The following CACNA1D variants were observed in gnomAD, a reference collection of about 807,000 sequenced individuals.
The protein encoded by CACNA1D is calcium voltage-gated channel subunit alpha1 D, also known as voltage-dependent L-type calcium channel subunit alpha-1D.
CACNA1D carries 55 observed loss-of-function variants against 257.1 expected under a neutral mutation model. The ratio of observed to expected loss-of-function variants is 0.21; its 90% CI spans 0.17 to 0.27. CACNA1D has a LOEUF of 0.27. Ranked by LOEUF, CACNA1D falls within the 10% of genes least tolerant of loss-of-function variation. The pLI is 1.00. For synonymous variants in CACNA1D, 980 were observed against 1,014.9 expected (o/e 0.97, Z 0.65); for missense variants, 1,876 against 2,784.0 (o/e 0.67, Z 7.34).
Position 53,731,071 on chromosome 3 carries a change from C to G in CACNA1D, c.2337-6C>G, listed in dbSNP as rs936971895. ...GGTTTCTTGTGCTCTTTTCTCTTCT[C>G]TTTAGAAAAGAGAGCCTAGAAAATA... On this transcript the variant is annotated splice_region_variant and splice_polypyrimidine_tract_variant and intron_variant, in intron 16 of 47. Coordinates refer to ENST00000350061, the MANE Select transcript of CACNA1D (RefSeq NM_001128840.3). 8 of 1,584,146 alleles carry G rather than the reference C, an allele frequency of 5.1e-6. No individual in the cohort carries two copies. The African/African-American group carries it at 9.4e-5, about 19-fold the overall frequency.
chr3:53,516,271 C>T (rs1191463591), intron 3 of CACNA1D, among the ~76,000 whole-genome samples: 1 of 152,198 alleles, frequency 6.6e-6, no homozygotes, highest in African/African-American at 2.4e-5. Flanking sequence ...CCTATACCCC[C>T]CTTGAAGTGC....
At position 53,590,098 on chromosome 3, in the gene CACNA1D, G is replaced by T. The variant is rs115687648; in HGVS notation, c.484-60681G>T. Among the ~76,000 whole-genome samples the T allele has an allele frequency of 9.6e-3, 1,464 of 152,306 alleles. 27 individuals carry two copies. The highest frequency in any genetic ancestry group is 0.034 in the African/African-American group (1,395 of 41,566). ...CATCACTTCTGTGCAGGACATCCCA[G>T]CCCTGGATGGATCCAGCTAGTGGTC... On this transcript the variant is annotated intron_variant, in intron 3 of 47. Transcript: ENST00000350061.
rs917085952 is a variant in CACNA1D, at chr3:53,769,961, G to T, written c.3871-12G>T. ...GTTCATTAATCCATTTTCAATCTTT[G>T]ATTTCTTAAAGCCAACTGAAAGTGA... On this transcript the variant is annotated splice_polypyrimidine_tract_variant and intron_variant, in intron 30 of 47. Coordinates refer to ENST00000350061, the MANE Select transcript of CACNA1D (RefSeq NM_001128840.3). 4 of 1,607,130 alleles carry T rather than the reference G, an allele frequency of 2.5e-6. No homozygotes were observed. The highest frequency in any genetic ancestry group is 3.3e-5 in the Admixed American group (2 of 60,004).
At chr3:53,740,895 T>C (rs1021689729) in intron 21 of CACNA1D, among the ~76,000 whole-genome samples, 3 of 152,228 alleles carry the variant, frequency 2.0e-5, no homozygotes, top group Non-Finnish European at 4.4e-5. Context: ...ATTATGCTTT[T>C]GGGGACCTAA....
At chr3:53,606,846 C>A (rs541986632) in intron 3 of CACNA1D, among the ~76,000 whole-genome samples, 33 of 152,356 alleles carry the variant, frequency 2.2e-4, no homozygotes, top group Middle Eastern at 6.8e-3. Flanking sequence ...CTGACCCAGG[C>A]AAACACTGAT....
In CACNA1D at chr3:53,812,722, T is replaced by A. The variant is rs1386317355; in HGVS notation, c.*1316T>A. 6.6e-6 allele frequency: 1 copy of A among 152,160 alleles called. No homozygotes were observed. Among genetic ancestry groups the A allele is most frequent in the Non-Finnish European group, 1.5e-5 (1 of 68,040 alleles). The allele number at this position is 152,160 out of a possible 1,614,324, so 9.4% of individuals were successfully genotyped here. ...GCTGGTGCAGAAATGCATAGGTGGATGAGATATAGCTGCTCTTGTCCTCTG... is the reference window on the plus strand; with the variant it reads ...GCTGGTGCAGAAATGCATAGGTGGAAGAGATATAGCTGCTCTTGTCCTCTG... On this transcript the variant is annotated 3_prime_UTR_variant, in exon 48 of 48. Coordinates refer to ENST00000350061, the MANE Select transcript of CACNA1D (RefSeq NM_001128840.3).
chr3:53,740,347 A>AT lies in CACNA1D; in HGVS notation c.2811+12dup. 6.3e-7 allele frequency: 1 copy of AT among 1,591,584 alleles called. No individual in the cohort carries two copies. Among genetic ancestry groups the AT allele is most frequent in the Non-Finnish European group, 8.6e-7 (1 of 1,159,572 alleles). On this transcript the variant is annotated intron_variant, in intron 21 of 47. Transcript: ENST00000350061. ...GTTGAGATCCTGTTGAAGGTAATGAATTTTCCTTGATCTTCACATACTCCA... is the reference window on the plus strand; with the variant it reads ...GTTGAGATCCTGTTGAAGGTAATGAATTTTTCCTTGATCTTCACATACTCCA...
At chr3:53,651,252 G>A (rs1576234694) in intron 4 of CACNA1D, among the ~76,000 whole-genome samples, 1 of 151,560 alleles carries the variant, frequency 6.6e-6, no homozygotes, top group East Asian at 1.9e-4. Flanking sequence ...CAAATGAGTA[G>A]AGCTTTTAAT....
At chr3:53,717,656 A>G (rs180733545) in intron 9 of CACNA1D, among the ~76,000 whole-genome samples, 185 of 152,168 alleles carry the variant, frequency 1.2e-3, no homozygotes, top group African/African-American at 4.3e-3. Context: ...CACTCGTAAC[A>G]CTATAATTCC....
chr3:53,501,743 C>A, intron 3 of CACNA1D, 23 bp downstream of exon 3: 1 of 1,258,620 alleles, frequency 7.9e-7, no homozygotes, highest in Non-Finnish European at 1.2e-6. Flanking sequence ...AGAGTTCCTG[C>A]TGGTCCTGGT....
At chr3:53,707,978 A>T (rs766931542) in intron 9 of CACNA1D, among the ~76,000 whole-genome samples, 23 of 152,244 alleles carry the variant, frequency 1.5e-4, no homozygotes, top group Non-Finnish European at 3.2e-4. Flanking sequence ...CCACAAGGGC[A>T]GCCTCTCTGT....
rs1020829576 is a variant in CACNA1D at position 53,759,128 on chromosome 3, T to G, written c.3787-2870T>G. ...ACCTTCAGTCCATCAATCATTCCAATTTGGGCACAGTTTTATGAGTGTGAG... is the reference window on the plus strand; with the variant it reads ...ACCTTCAGTCCATCAATCATTCCAAGTTGGGCACAGTTTTATGAGTGTGAG... On this transcript the variant is annotated intron_variant, in intron 29 of 47. Coordinates refer to ENST00000350061, the MANE Select transcript of CACNA1D (RefSeq NM_001128840.3). Among the ~76,000 whole-genome samples the G allele has an allele frequency of 3.3e-5, 5 of 152,214 alleles. No individual in the cohort carries two copies. In the South Asian group the frequency reaches 6.2e-4, roughly 19 times the overall value.
chr3:53,784,720 A>G (rs1576657841), intron 39 of CACNA1D, among the ~76,000 whole-genome samples: 1 of 152,132 alleles, frequency 6.6e-6, no homozygotes, highest in Admixed American at 6.5e-5. Context: ...ATGGCAGGCC[A>G]CCAGAGACTC....
At chr3:53,587,218 C>G (rs1430698846) in intron 3 of CACNA1D, among the ~76,000 whole-genome samples, 1 of 152,140 alleles carries the variant, frequency 6.6e-6, no homozygotes, top group Non-Finnish European at 1.5e-5. Context: ...CCAGAGCAGG[C>G]AGCTGTTAGA....
intron 3 of CACNA1D, among the ~76,000 whole-genome samples, chr3:53,569,279 G>C (rs796935818): frequency 6.6e-6 from 1 of 152,168 alleles, no homozygotes; most frequent in South Asian, 2.1e-4. Context: ...CACACTGCAA[G>C]TTCTCACATC....
intron 3 of CACNA1D, among the ~76,000 whole-genome samples, chr3:53,545,717 TG>T (rs771836350): frequency 1.3e-5 from 2 of 152,178 alleles, no homozygotes; most frequent in Non-Finnish European, 2.9e-5. Context: ...ATTTGTTTGA[TG>T]CAATTAGCCA....
chr3:53,627,123 A>T (rs1475739276), intron 3 of CACNA1D, among the ~76,000 whole-genome samples: 1 of 152,226 alleles, frequency 6.6e-6, no homozygotes, highest in African/African-American at 2.4e-5. Context: ...ACAGGCATCT[A>T]CGTGCAGATT....
chr3:53,808,569 C>CG (rs1421995992), intron 45 of CACNA1D, 80 bp from the exon 46 acceptor site: 5 of 1,570,448 alleles, frequency 3.2e-6, no homozygotes. Flanking sequence ...GCTGAGCATC[C>CG]GGGGCCACCC....
chr3:53,741,055 T>G (rs1459548514), intron 21 of CACNA1D, among the ~76,000 whole-genome samples: 1 of 152,214 alleles, frequency 6.6e-6, no homozygotes, highest in Non-Finnish European at 1.5e-5. Context: ...GTACTGCCCA[T>G]GCATGAGCTA....
Sources: allele counts gnomAD v4.1 joint callset (sites outside exome capture counted in the v4.1 genomes callset), GRCh38; gene constraint gnomAD v4.1.1; transcripts MANE v1.5; gene names NCBI Gene and HGNC (gene_info 2026-07-23, HGNC 2026-07-21).